CCT5: variants seen among roughly 807,000 people sequenced by gnomAD.
CCT5 encodes T-complex protein 1 subunit epsilon.
A neutral mutation model predicts 55.0 loss-of-function variants in CCT5; 6 were observed. That is an observed-to-expected ratio of 0.11 (90% CI 0.06 to 0.22). The LOEUF is 0.22. Among genes scored for constraint, CCT5 ranks in the 10% least tolerant of loss-of-function variants. CCT5 has a pLI of 1.00. For synonymous variants in CCT5, 231 were observed against 243.7 expected, an observed-to-expected ratio of 0.95 and a Z score of 0.49; for missense variants, 560 against 694.6, an observed-to-expected ratio of 0.81 and a Z score of 2.18.
intron 7 of CCT5, 165 bp downstream of exon 7, chr5:10,261,076 G>C: frequency 1.3e-6 from 1 of 766,644 alleles, no homozygotes; most frequent in Admixed American, 1.8e-5. Flanking sequence ...GTTACTGTTT[G>C]GATAACAGTG....
At chr5:10,255,728 A>T (rs979129371) in intron 3 of CCT5, among the ~76,000 whole-genome samples, 1 of 152,144 alleles carries the variant, frequency 6.6e-6, no homozygotes, top group African/African-American at 2.4e-5. Context: ...TCTTCACATC[A>T]CTGAGGGTTG....
intron 9 of CCT5, 104 bp from the exon 10 acceptor site, chr5:10,263,030 T>A (rs1319225889): frequency 8.6e-6 from 8 of 934,634 alleles, no homozygotes; most frequent in African/African-American, 4.8e-5. Context: ...TACAATTCTT[T>A]GTGAGCTGAC....
intron 8 of CCT5, chr5:10,262,183 C>T (rs568202765): frequency 5.7e-5 from 24 of 424,042 alleles, no homozygotes; most frequent in Non-Finnish European, 9.2e-5. Flanking sequence ...TAACCATTGA[C>T]GATCTCTGTT....
In CCT5 at chr5:10,262,558, G is replaced by T. The variant is rs750114723; in HGVS notation, c.1257G>T (p.Val419=). The change falls in exon 9 of 11, where the codon GTG becomes GTT. Residue 419 remains valine (V), a synonymous_variant. Transcript: ENST00000280326. ...IRNLIRDNRV[V]YGGGAAEISC... is the part of the protein sequence containing the mutation. Reference sequence around the variant, plus strand: ...ACCTCATCCGCGATAATCGTGTGGTGTATGGAGGAGGGGCTGCTGAGATAT... The same window carrying T: ...ACCTCATCCGCGATAATCGTGTGGTTTATGGAGGAGGGGCTGCTGAGATAT... The T allele has an allele frequency of 1.2e-6, 2 of 1,614,242 alleles. No individual in the cohort carries two copies. Among genetic ancestry groups the T allele is most frequent in the African/African-American group, 2.7e-5 (2 of 75,076 alleles).
Position 10,262,411 on chromosome 5 carries a change from G to T in CCT5, c.1180-70G>T, listed in dbSNP as rs1333514610. ...GCACAGCCTCTCTGTCTTTAAAAAG[G>T]TGCCAGATACTTGGCTCTAAATTGA... is the stretch of plus-strand genomic sequence containing the variant. On this transcript the variant is annotated intron_variant, in intron 8 of 10. Transcript: ENST00000280326. 2.6e-6 allele frequency: 4 copies of T among 1,545,544 alleles called. No homozygotes were observed. In the East Asian group the frequency reaches 6.7e-5, roughly 26 times the overall value.
chr5:10,250,332 T>A lies in CCT5; in HGVS notation c.-9T>A. On this transcript the variant is annotated 5_prime_UTR_variant, in exon 1 of 11. Transcript: ENST00000280326. Reference sequence around the variant, plus strand: ...CCGGTTGGGGGGAAGTAATTCCGGTTGTTGCACCATGGCGTCCATGGGGAC... The same window carrying A: ...CCGGTTGGGGGGAAGTAATTCCGGTAGTTGCACCATGGCGTCCATGGGGAC... 6.2e-7 allele frequency: 1 copy of A among 1,614,028 alleles called. No homozygotes were observed. The highest frequency in any genetic ancestry group is 8.5e-7 in the Non-Finnish European group (1 of 1,180,032).
At chr5:10,255,745 C>T (rs1745641196) in intron 3 of CCT5, among the ~76,000 whole-genome samples, 1 of 152,160 alleles carries the variant, frequency 6.6e-6, no homozygotes, top group African/African-American at 2.4e-5. Context: ...GTTGAATGTT[C>T]ATCTGTAAGG....
intron 1 of CCT5, among the ~76,000 whole-genome samples, chr5:10,252,224 A>G (rs1745460028): frequency 1.3e-5 from 2 of 152,190 alleles, no homozygotes; most frequent in South Asian, 4.1e-4. Flanking sequence ...TCAGCAGTTT[A>G]GGGATATACA....
intron 1 of CCT5, chr5:10,250,660 C>T: frequency 2.8e-6 from 4 of 1,412,928 alleles, no homozygotes; most frequent in Non-Finnish European, 3.7e-6. Flanking sequence ...GCCAGCCAGG[C>T]TGGGCCGCCA....
intron 3 of CCT5, 23 bp from the exon 4 acceptor site, chr5:10,255,919 TTTGCCTGAACTGA>T (rs1347519167): frequency 6.3e-7 from 1 of 1,596,368 alleles, no homozygotes; most frequent in African/African-American, 1.3e-5. Context: ...AGTTTTGTTG[TTTGCCTGAACTGA>T]TTGTCTGCTG....
intron 8 of CCT5, 76 bp from the exon 9 acceptor site, chr5:10,262,405 A>G (rs1746010200): frequency 2.0e-6 from 3 of 1,512,998 alleles, no homozygotes; most frequent in Non-Finnish European, 2.8e-6. Context: ...CTCTGTCTTT[A>G]AAAAGGTGCC....
At chr5:10,252,971 GT>G (rs1025022783) in intron 1 of CCT5, among the ~76,000 whole-genome samples, 4 of 151,160 alleles carry the variant, frequency 2.6e-5, no homozygotes, top group African/African-American at 9.7e-5. Context: ...GTAGCTAAAT[GT>G]GAAAAAAAAA....
At position 10,255,982 on chromosome 5, in the gene CCT5, C is replaced by T; in HGVS notation, c.359C>T (p.Ala120Val). ...CTGGCTGGTGCCTTGTTAGAAGAAG[C>T]GGAGCAATTGCTAGACCGAGGCATT... ...VVLAGALLEE[A>V]EQLLDRGIHP... The change falls in exon 4 of 11, where the codon GCG (alanine) becomes GTG (valine). Residue 120 changes from alanine (A) to valine (V), a missense_variant. Physicochemically the swap from Ala to Val is moderately conservative, Grantham distance 64. Coordinates refer to ENST00000280326, the MANE Select transcript of CCT5 (RefSeq NM_012073.5). 2 of 1,614,118 alleles carry T rather than the reference C, an allele frequency of 1.2e-6. No homozygotes were observed. Among genetic ancestry groups the T allele is most frequent in the Non-Finnish European group, 1.7e-6 (2 of 1,179,972 alleles).
intron 7 of CCT5, 97 bp downstream of exon 7, chr5:10,261,008 C>A: frequency 7.8e-7 from 1 of 1,277,584 alleles, no homozygotes; most frequent in Non-Finnish European, 1.1e-6. Context: ...CTGCATCACA[C>A]CAAGGCTGGC....
At chr5:10,255,002 A>T in intron 3 of CCT5, 164 bp downstream of exon 3, 1 of 653,818 alleles carries the variant, frequency 1.5e-6, no homozygotes, top group Non-Finnish European at 2.7e-6. Flanking sequence ...CAAAACTGAC[A>T]GTGTTACAAA....
chr5:10,250,477 T>C (rs770856099), intron 1 of CCT5, 32 bp downstream of exon 1: 10 of 1,610,498 alleles, frequency 6.2e-6, no homozygotes, highest in East Asian at 2.2e-5. Context: ...CGCGGTGGGC[T>C]AAGGGGAGGT....
chr5:10,257,663 C>T (rs920465586), intron 4 of CCT5, among the ~76,000 whole-genome samples: 1 of 152,200 alleles, frequency 6.6e-6, no homozygotes, highest in African/African-American at 2.4e-5. Context: ...CCTGTCCAGT[C>T]CTTTCAGTTC....
chr5:10,257,897 T>A (rs1361002998), intron 4 of CCT5: 1 of 593,884 alleles, frequency 1.7e-6, no homozygotes, highest in Non-Finnish European at 3.0e-6. Flanking sequence ...TGTAATTTTT[T>A]CCTATCTAAG....
In CCT5 at chr5:10,263,249, G is replaced by A. The variant is rs1746055933; in HGVS notation, c.1433G>A (p.Arg478Gln). Reference sequence around the variant, plus strand: ...CCCATCCAGACTATGACCGAAGTCCGAGCCAGACAGGTGAAGGAGATGAAC... The same window carrying A: ...CCCATCCAGACTATGACCGAAGTCCAAGCCAGACAGGTGAAGGAGATGAAC... The part of the protein sequence containing the change: ...MNPIQTMTEV[R>Q]ARQVKEMNPA... Residue 478 changes from arginine (R) to glutamine (Q), a missense_variant, in exon 10 of 11, where the codon CGA becomes CAA. Coordinates refer to ENST00000280326, the MANE Select transcript of CCT5 (RefSeq NM_012073.5). 10 of 1,614,048 alleles carry A rather than the reference G, an allele frequency of 6.2e-6. No homozygotes were observed. The East Asian group carries it at 8.9e-5, about 14-fold the overall frequency.
Sources: gnomAD v4.1 joint callset for allele counts (sites outside exome capture counted in the v4.1 genomes callset) on GRCh38, gnomAD v4.1.1 for gene constraint, MANE v1.5 for transcripts, NCBI Gene and HGNC (gene_info 2026-07-23, HGNC 2026-07-21) for gene names.